DCTN4: variants seen among roughly 807,000 people sequenced by gnomAD.
DCTN4 encodes the protein dynactin subunit 4.
A neutral mutation model predicts 62.7 loss-of-function variants in DCTN4; 23 were observed. That is an observed-to-expected ratio of 0.37 (90% CI 0.26 to 0.52). DCTN4 has a LOEUF of 0.52. DCTN4 is among the 20% of genes least tolerant of loss of function. The pLI is 0.92. For missense variants in DCTN4, 514 were observed against 580.4 expected (o/e 0.89, Z 1.18); for synonymous variants, 199 against 202.1 (o/e 0.98, Z 0.13).
intron 9 of DCTN4, among the ~76,000 whole-genome samples, chr5:150,722,500 G>A (rs77190480): frequency 0.011 from 1,681 of 152,216 alleles, 30 homozygotes; most frequent in African/African-American, 0.037. Flanking sequence ...TCCAGTCAAC[G>A]AAGTGTTATA....
intron 3 of DCTN4, among the ~76,000 whole-genome samples, chr5:150,747,017 C>T (rs903172994): frequency 6.6e-6 from 1 of 152,116 alleles, no homozygotes; most frequent in African/African-American, 2.4e-5. Context: ...TTGCAGATGA[C>T]ATGATTGTAT....
At chr5:150,753,989 G>A (rs1752770517) in intron 2 of DCTN4, among the ~76,000 whole-genome samples, 1 of 152,192 alleles carries the variant, frequency 6.6e-6, no homozygotes, top group Non-Finnish European at 1.5e-5. Flanking sequence ...TATGCCTTTA[G>A]AGAGGACAGA....
intron 2 of DCTN4, 98 bp downstream of exon 2, chr5:150,756,319 G>A (rs1010144955): frequency 2.3e-5 from 18 of 793,128 alleles, no homozygotes; most frequent in African/African-American, 5.4e-5. Flanking sequence ...GATTACAGGC[G>A]TGAGCCACCA....
chr5:150,727,775 C>CAAA (rs11292193), intron 8 of DCTN4, among the ~76,000 whole-genome samples: 16 of 82,352 alleles, frequency 1.9e-4, no homozygotes, highest in Admixed American at 4.8e-4. Flanking sequence ...GACTCCGTCT[C>CAAA]AAAAAAAAAA....
chr5:150,724,545 TCTC>T (rs1353820750), intron 8 of DCTN4, among the ~76,000 whole-genome samples: 1 of 152,238 alleles, frequency 6.6e-6, no homozygotes, highest in East Asian at 1.9e-4. Flanking sequence ...ATGAAGGTAT[TCTC>T]CTCTATTTCC....
In DCTN4 at chr5:150,718,397, A is replaced by G. The variant is rs1310139428; in HGVS notation, c.964-14T>C. 1.9e-6 allele frequency: 3 copies of G among 1,581,584 alleles called. No individual in the cohort carries two copies. Among genetic ancestry groups the G allele is most frequent in the Non-Finnish European group, 2.6e-6 (3 of 1,151,766 alleles). ...GACCTGGCTCTCCTGGTGAATAGGA[A>G]ACACATCTCTCAGACATTCGCCACT... On this transcript the variant is annotated splice_polypyrimidine_tract_variant and intron_variant, in intron 10 of 12. Coordinates refer to ENST00000447998, the MANE Select transcript of DCTN4 (RefSeq NM_016221.4).
intron 3 of DCTN4, among the ~76,000 whole-genome samples, chr5:150,747,828 A>G (rs1752513344): frequency 6.7e-6 from 1 of 148,896 alleles, no homozygotes; most frequent in East Asian, 2.0e-4. Context: ...ACCTAAAACC[A>G]TAAAAACCCT....
At position 150,715,540 on chromosome 5, in the gene DCTN4, T is replaced by C. The variant is rs149904286; in HGVS notation, c.1169+25A>G. Reference sequence around the variant, plus strand: ...ATTCTATTATCAGCCATTTGTTGTATGGGGATCACAAAAAGATCACTCACT... The same window carrying C: ...ATTCTATTATCAGCCATTTGTTGTACGGGGATCACAAAAAGATCACTCACT... On this transcript the variant is annotated intron_variant, in intron 12 of 12. Transcript: ENST00000447998. 2,038 of 1,595,084 alleles carry C rather than the reference T, an allele frequency of 1.3e-3. 31 individuals carry two copies. The African/African-American group carries it at 0.024, about 18-fold the overall frequency.
At chr5:150,757,498 C>T (rs80024847) in intron 1 of DCTN4, among the ~76,000 whole-genome samples, 6,271 of 152,166 alleles carry the variant, frequency 0.041, 456 homozygotes, top group African/African-American at 0.14. Flanking sequence ...AAGATGCTGT[C>T]ACAGACTGGA....
At chr5:150,731,904 T>C (rs1760385073) in intron 5 of DCTN4, 1 of 1,551,648 alleles carries the variant, frequency 6.4e-7, no homozygotes, top group Non-Finnish European at 8.7e-7. Flanking sequence ...GAATAGTATG[T>C]TGCTGTAGAG....
chr5:150,732,006 G>A, intron 5 of DCTN4: 3 of 1,011,590 alleles, frequency 3.0e-6, no homozygotes, highest in Non-Finnish European at 4.6e-6. Context: ...TGGGAAAATT[G>A]GAAGAATAAT....
At chr5:150,731,265 T>C (rs1041132457) in intron 6 of DCTN4, 109 bp from the exon 7 acceptor site, 18 of 986,788 alleles carry the variant, frequency 1.8e-5, no homozygotes, top group Middle Eastern at 2.1e-4. Context: ...TCCTCTGTCA[T>C]AGAATATCTG....
intron 2 of DCTN4, among the ~76,000 whole-genome samples, chr5:150,755,925 C>A (rs1056093580): frequency 1.3e-5 from 2 of 151,442 alleles, no homozygotes; most frequent in African/African-American, 4.9e-5. Context: ...TTCTGAAGTA[C>A]AAAACTGTTC....
intron 3 of DCTN4, 89 bp downstream of exon 3, chr5:150,753,390 G>T: frequency 8.4e-7 from 1 of 1,194,298 alleles, no homozygotes; most frequent in Non-Finnish European, 1.2e-6. Context: ...AGCTCCTATC[G>T]CCCCAACGGG....
intron 12 of DCTN4, among the ~76,000 whole-genome samples, chr5:150,714,094 G>T (rs1341907828): frequency 6.6e-6 from 1 of 152,140 alleles, no homozygotes; most frequent in Non-Finnish European, 1.5e-5. Context: ...CTCCAGCCTG[G>T]GCGACAGAGA....
chr5:150,741,245 C>T (rs913198732), intron 4 of DCTN4, among the ~76,000 whole-genome samples: 4 of 151,848 alleles, frequency 2.6e-5, no homozygotes, highest in East Asian at 1.9e-4. Flanking sequence ...ATCCCTTCTG[C>T]CCAAGTTGAC....
chr5:150,747,426 T>C (rs936258834), intron 3 of DCTN4, among the ~76,000 whole-genome samples: 6 of 152,264 alleles, frequency 3.9e-5, no homozygotes, highest in Admixed American at 6.5e-5. Flanking sequence ...CTTCACAGAA[T>C]TGGAAAAAAC....
Position 150,718,284 on chromosome 5 carries a change from T to A in DCTN4, c.1063A>T (p.Thr355Ser). Residue 355 changes from threonine to serine, a missense_variant, in exon 11 of 13, where the codon ACT (threonine) becomes TCT (serine). Coordinates refer to ENST00000447998, the MANE Select transcript of DCTN4 (RefSeq NM_016221.4). ...AGGCAAAATGCTCCTACCTTAGCAG[T>A]GCTGTTGATATCATCAGGGTCCCCC... Reference protein sequence around the residue: ...EEGDPDDINSTAKVVVPPKEL... With the variant: ...EEGDPDDINSSAKVVVPPKEL... 5 of 1,612,584 alleles carry A rather than the reference T, an allele frequency of 3.1e-6. No homozygotes were observed. Among genetic ancestry groups the A allele is most frequent in the Non-Finnish European group, 4.2e-6 (5 of 1,178,846 alleles).
At chr5:150,739,401 C>T (rs1050324416) in intron 4 of DCTN4, among the ~76,000 whole-genome samples, 9 of 152,074 alleles carry the variant, frequency 5.9e-5, no homozygotes, top group South Asian at 2.1e-4. Flanking sequence ...ACAAGAAAAA[C>T]TACAAAACAC....
Sources: allele counts gnomAD v4.1 joint callset (sites outside exome capture counted in the v4.1 genomes callset), GRCh38; gene constraint gnomAD v4.1.1; transcripts MANE v1.5; gene names NCBI Gene and HGNC (gene_info 2026-07-23, HGNC 2026-07-21).